Variants in TBC1D30 observed in about 807,000 individuals in gnomAD.
TBC1D30 encodes TBC1 domain family, member 30.
In TBC1D30, 31 loss-of-function variants were observed where a neutral mutation model predicts 63.2. The ratio of observed to expected loss-of-function variants is 0.49; its 90% CI spans 0.37 to 0.66. The LOEUF is 0.66. Among genes scored for constraint, TBC1D30 ranks in the 30% least tolerant of loss-of-function variants. TBC1D30 has a pLI of 0.00. For missense variants in TBC1D30, 810 were observed against 953.6 expected (o/e 0.85, Z 1.98); for synonymous variants, 307 against 361.5 (o/e 0.85, Z 1.71).
chr12:64,764,841 A>C (rs1870646532), intron 1 of TBC1D30, among the ~76,000 whole-genome samples: 1 of 152,246 alleles, frequency 6.6e-6, no homozygotes, highest in African/African-American at 2.4e-5. Context: ...TCACAGGGTG[A>C]AACACCACCA....
At chr12:64,760,645 C>T (rs906598725) in intron 1 of TBC1D30, among the ~76,000 whole-genome samples, 7 of 152,022 alleles carry the variant, frequency 4.6e-5, no homozygotes, top group South Asian at 2.1e-4. Flanking sequence ...AGGTATACCT[C>T]CTTGCTGGTA....
intron 8 of TBC1D30, among the ~76,000 whole-genome samples, chr12:64,859,240 G>A (rs1414984151): frequency 1.3e-5 from 2 of 152,084 alleles, no homozygotes; most frequent in East Asian, 3.9e-4. Flanking sequence ...AAGTGTGAGG[G>A]GGACTGTCAG....
intron 7 of TBC1D30, among the ~76,000 whole-genome samples, chr12:64,841,573 C>G (rs561085390): frequency 4.6e-5 from 7 of 152,324 alleles, no homozygotes; most frequent in African/African-American, 1.4e-4. Context: ...GGCCTTTGCT[C>G]TCTGCTCTCA....
At chr12:64,834,478 C>T (rs1173584338) in intron 5 of TBC1D30, among the ~76,000 whole-genome samples, 3 of 139,120 alleles carry the variant, frequency 2.2e-5, no homozygotes, top group Non-Finnish European at 4.5e-5. Flanking sequence ...ATGATCTTGT[C>T]TCACTGCAAC....
At chr12:64,850,987 G>T (rs1876822042) in intron 8 of TBC1D30, among the ~76,000 whole-genome samples, 3 of 152,190 alleles carry the variant, frequency 2.0e-5, no homozygotes, top group Middle Eastern at 3.4e-3. Context: ...CTTCTTCCTG[G>T]TTTAGACTTA....
At chr12:64,824,474 G>A (rs1465573346), upstream of TBC1D30, 1 of 175,278 alleles carries the variant, frequency 5.7e-6, no homozygotes, top group Non-Finnish European at 1.2e-5. Context: ...CCCGAACGCA[G>A]TTACGCGCCC....
At chr12:64,866,730 G>A in intron 9 of TBC1D30, 34 bp from the exon 10 acceptor site, 1 of 1,528,536 alleles carries the variant, frequency 6.5e-7, no homozygotes, top group Non-Finnish European at 8.8e-7. Flanking sequence ...GGTTTTCTTT[G>A]TATATTTCTT....
chr12:64,826,209 G>T (rs1874334946), intron 1 of TBC1D30, among the ~76,000 whole-genome samples: 1 of 152,172 alleles, frequency 6.6e-6, no homozygotes, highest in African/African-American at 2.4e-5. Flanking sequence ...AAAGTGGGGT[G>T]AAAGTGACCT....
intron 11 of TBC1D30, among the ~76,000 whole-genome samples, chr12:64,872,025 T>TTTTG (rs766373252): frequency 2.0e-5 from 3 of 152,084 alleles, no homozygotes; most frequent in African/African-American, 7.2e-5. Flanking sequence ...AAATACAGTT[T>TTTTG]TTTGTTTGTT....
intron 1 of TBC1D30, among the ~76,000 whole-genome samples, chr12:64,774,077 T>C (rs927760976): frequency 2.0e-5 from 3 of 152,066 alleles, no homozygotes; most frequent in African/African-American, 4.8e-5. Context: ...ACAGACAAAA[T>C]AGCCAGAGTG....
At chr12:64,807,079 A>G (rs1403724424) in intron 2 of TBC1D30, among the ~76,000 whole-genome samples, 1 of 152,112 alleles carries the variant, frequency 6.6e-6, no homozygotes, top group Admixed American at 6.5e-5. Flanking sequence ...CTCATCTTGA[A>G]TTGTGGTTCC....
chr12:64,794,142 A>T (rs900595815), intron 2 of TBC1D30, among the ~76,000 whole-genome samples: 1 of 151,908 alleles, frequency 6.6e-6, no homozygotes. Context: ...GATGCCTGAC[A>T]CTTTATCCTG....
intron 9 of TBC1D30, among the ~76,000 whole-genome samples, chr12:64,865,030 C>T (rs1193325914): frequency 6.6e-6 from 1 of 151,628 alleles, no homozygotes; most frequent in Non-Finnish European, 1.5e-5. Flanking sequence ...TGATATCAAG[C>T]ATTAAAAATC....
intron 2 of TBC1D30, among the ~76,000 whole-genome samples, chr12:64,808,716 C>T (rs920664505): frequency 6.6e-6 from 1 of 152,092 alleles, no homozygotes; most frequent in Non-Finnish European, 1.5e-5. Flanking sequence ...AAACTCTGTG[C>T]CTATTAAACA....
intron 5 of TBC1D30, among the ~76,000 whole-genome samples, chr12:64,833,783 G>T (rs1875084323): frequency 6.6e-6 from 1 of 152,134 alleles, no homozygotes; most frequent in South Asian, 2.1e-4. Context: ...GTAGGAGAGG[G>T]AGGAAGGCAG....
In TBC1D30 at chr12:64,832,130, C is replaced by T. The variant is rs1874921839; in HGVS notation, c.420C>T (p.Arg140=). 1.3e-6 allele frequency: 2 copies of T among 1,534,574 alleles called. No homozygotes were observed. The highest frequency in any genetic ancestry group is 1.7e-6 in the Non-Finnish European group (2 of 1,145,958). The part of the protein sequence containing the change: ...MGIQIVKDLH[R]TGCSSYCGQE... ...TCCCTTCCATTTAGGACCTTCACCG[C>T]ACAGGCTGTAGTTCTTACTGTGGCC... is the stretch of plus-strand genomic sequence containing the variant. Residue 140 remains arginine (R), a synonymous_variant, in exon 5 of 12, where the codon CGC becomes CGT. Transcript: ENST00000539867.
chr12:64,852,534 A>G (rs1343691388), intron 8 of TBC1D30, among the ~76,000 whole-genome samples: 1 of 152,006 alleles, frequency 6.6e-6, no homozygotes, highest in African/African-American at 2.4e-5. Context: ...CTTGCTGGTG[A>G]GGAGTTGTGA....
rs895508134 is a variant in TBC1D30 at position 64,781,109 on chromosome 12, GGGGGCCGC to G, written c.309_316del (p.Ala105ProfsTer55). 2.0e-6 allele frequency: 2 copies of G among 1,004,088 alleles called. No homozygotes were observed. Among genetic ancestry groups the G allele is most frequent in the African/African-American group, 3.5e-5 (2 of 57,270 alleles). The allele number at this position is 1,004,088 out of a possible 1,614,324, so 62.2% of individuals were successfully genotyped here. ...CACAGAGGAGGAGGAGGCGGCGGGC[GGGGGCCGC>G]GGGGCCGAGGGCCGCCGGCGGCGCC... On this transcript the variant is annotated frameshift_variant, in exon 1 of 13. Coordinates refer to the TBC1D30 transcript ENST00000542120. LOFTEE classifies it high-confidence loss of function.
exon 2 of TBC1D30, chr12:64,785,881 A>G (rs756335427): frequency 7.8e-7 from 1 of 1,288,310 alleles, no homozygotes. Context: ...TTACTGATAG[A>G]CGCTAATGAA....
Sources: allele counts gnomAD v4.1 joint callset (sites outside exome capture counted in the v4.1 genomes callset), GRCh38; gene constraint gnomAD v4.1.1; transcripts MANE v1.5; gene names NCBI Gene and HGNC (gene_info 2026-07-23, HGNC 2026-07-21).